The following ZNF267 variants were observed in gnomAD, a reference collection of about 807,000 sequenced individuals.
The protein encoded by ZNF267 is zinc finger (C2H2).
ZNF267 carries 61 observed loss-of-function variants against 71.6 expected under a neutral mutation model. That is an observed-to-expected ratio of 0.85 (90% CI 0.69 to 1.05). The LOEUF is 1.05. ZNF267 is among the 50% of genes least tolerant of loss of function. The pLI, the probability that ZNF267 is intolerant of heterozygous loss-of-function variation, is 0.00. For missense variants in ZNF267, 852 were observed against 870.0 expected (o/e 0.98, Z 0.26); for synonymous variants, 288 against 293.2 (o/e 0.98, Z 0.18).
At chr16:31,904,963 T>C (rs1343901643) in intron 3 of ZNF267, among the ~76,000 whole-genome samples, 5 of 152,174 alleles carry the variant, frequency 3.3e-5, no homozygotes, top group Admixed American at 6.6e-5. Flanking sequence ...CTTCAGGAGC[T>C]CTTGTAGGGC....
At chr16:31,885,380 A>C (rs2083917407) in intron 3 of ZNF267, 124 bp downstream of exon 3, 1 of 764,686 alleles carries the variant, frequency 1.3e-6, no homozygotes, top group Non-Finnish European at 2.0e-6. Flanking sequence ...ACCTGGCTTT[A>C]TTTCTTTCCC....
chr16:31,913,606 C>G (rs189733158), intron 3 of ZNF267: 1 of 152,270 alleles, frequency 6.6e-6, no homozygotes, highest in Non-Finnish European at 1.5e-5. Flanking sequence ...AAGTCAGAAG[C>G]CTTATTTATC....
At chr16:31,901,928 T>C (rs1307536377) in intron 3 of ZNF267, among the ~76,000 whole-genome samples, 3 of 152,180 alleles carry the variant, frequency 2.0e-5, no homozygotes, top group Non-Finnish European at 4.4e-5. Context: ...AAGTTTTAGG[T>C]CTAATATGTA....
At chr16:31,885,658 T>A (rs78483539) in intron 3 of ZNF267, among the ~76,000 whole-genome samples, 1 of 152,206 alleles carries the variant, frequency 6.6e-6, no homozygotes, top group East Asian at 1.9e-4. Context: ...GACAGTGGAA[T>A]TTTTTTCAGA....
chr16:31,892,368 G>T (rs2083966141), intron 3 of ZNF267, among the ~76,000 whole-genome samples: 4 of 152,062 alleles, frequency 2.6e-5, no homozygotes, highest in Admixed American at 2.6e-4. Flanking sequence ...CACAACACAT[G>T]GGAATTGAAG....
chr16:31,877,494 T>A (rs1374133905), intron 1 of ZNF267, among the ~76,000 whole-genome samples: 1 of 152,176 alleles, frequency 6.6e-6, no homozygotes, highest in Non-Finnish European at 1.5e-5. Context: ...AATGTTTCAC[T>A]CTGATGTCAG....
rs761265969 is a variant in ZNF267 at position 31,873,834 on chromosome 16, G to C, written c.-133G>C. ...TTAGAGCTCGGGTCTCCTCGCCACA[G>C]CTCCGAGTCTTTCGTTCTGGGAGGC... On this transcript the variant is annotated 5_prime_UTR_variant, in exon 1 of 4. Transcript: ENST00000300870. 1 of 1,296,140 alleles carries C rather than the reference G, an allele frequency of 7.7e-7. No homozygotes were observed. Among genetic ancestry groups the C allele is most frequent in the South Asian group, 1.2e-5 (1 of 82,516 alleles). 80.3% of individuals were successfully genotyped at this position (1,296,140 alleles called of 1,614,324 possible).
intron 3 of ZNF267, among the ~76,000 whole-genome samples, chr16:31,887,059 G>A (rs2083929027): frequency 6.6e-6 from 1 of 152,126 alleles, no homozygotes; most frequent in Admixed American, 6.6e-5. Flanking sequence ...TCTAACAAGT[G>A]TGAATATTTA....
chr16:31,875,482 G>A (rs1468072866), intron 1 of ZNF267, among the ~76,000 whole-genome samples: 1 of 152,112 alleles, frequency 6.6e-6, no homozygotes, highest in South Asian at 2.1e-4. Context: ...TGGTATTGAG[G>A]GGAAACAGTC....
Position 31,874,179 on chromosome 16 carries a change from C to T in ZNF267, c.3+210C>T, listed in dbSNP as rs546976218. On this transcript the variant is annotated intron_variant, in intron 1 of 3. Coordinates refer to ENST00000300870, the MANE Select transcript of ZNF267 (RefSeq NM_003414.6). ...GGACCCCGCGTGTCCTGTCCCATCC[C>T]GACCCCGCAGAGCGACCTCGTCCCT... The T allele has an allele frequency of 2.0e-5, 11 of 540,206 alleles. No individual in the cohort carries two copies. The East Asian group carries it at 3.6e-4, about 18-fold the overall frequency. The allele number at this position is 540,206 out of a possible 1,614,324, so 33.5% of individuals were successfully genotyped here. A position where few individuals can be genotyped will look rare whatever the true frequency, so the allele number is the denominator to read the frequency against.
At chr16:31,888,540 ATTTAC>A (rs1383004370) in intron 3 of ZNF267, among the ~76,000 whole-genome samples, 1 of 151,948 alleles carries the variant, frequency 6.6e-6, no homozygotes, top group Non-Finnish European at 1.5e-5. Context: ...ATGAAAATGT[ATTTAC>A]TTCTGTTATA....
At chr16:31,899,398 A>G (rs1196896433) in intron 3 of ZNF267, among the ~76,000 whole-genome samples, 1 of 152,262 alleles carries the variant, frequency 6.6e-6, no homozygotes, top group South Asian at 2.1e-4. Context: ...CTGCACAACT[A>G]CATGGAAACT....
intron 3 of ZNF267, among the ~76,000 whole-genome samples, chr16:31,899,834 G>C (rs2084025279): frequency 6.6e-6 from 1 of 152,054 alleles, no homozygotes; most frequent in African/African-American, 2.4e-5. Context: ...TATTATAAAT[G>C]ATATACTCAT....
At chr16:31,905,728 C>T (rs1433671778) in intron 3 of ZNF267, among the ~76,000 whole-genome samples, 2 of 152,026 alleles carry the variant, frequency 1.3e-5, no homozygotes, top group Non-Finnish European at 2.9e-5. Flanking sequence ...GCCATGGGTT[C>T]GAACTTCCTC....
At chr16:31,874,379 A>C (rs984867803) in intron 1 of ZNF267, 81 of 172,596 alleles carry the variant, frequency 4.7e-4, no homozygotes, top group African/African-American at 1.8e-3. Context: ...CACTGTTAAA[A>C]CGTTGAAGAA....
At chr16:31,906,417 G>A (rs1183811821) in intron 3 of ZNF267, among the ~76,000 whole-genome samples, 4 of 152,162 alleles carry the variant, frequency 2.6e-5, no homozygotes. Context: ...AGCTGTGGTG[G>A]GCTCCACCCA....
chr16:31,899,508 G>C (rs1038853987), intron 3 of ZNF267, among the ~76,000 whole-genome samples: 3 of 152,176 alleles, frequency 2.0e-5, no homozygotes, highest in Non-Finnish European at 4.4e-5. Flanking sequence ...CAACATACCA[G>C]AATCTCTGGG....
At chr16:31,898,684 T>C (rs1235691126) in intron 3 of ZNF267, among the ~76,000 whole-genome samples, 1 of 152,148 alleles carries the variant, frequency 6.6e-6, no homozygotes, top group Admixed American at 6.6e-5. Flanking sequence ...CTGATAACTT[T>C]AGTAGCATAC....
chr16:31,879,012 C>T (rs574707168), intron 1 of ZNF267, among the ~76,000 whole-genome samples: 35 of 152,128 alleles, frequency 2.3e-4, no homozygotes, highest in African/African-American at 8.4e-4. Flanking sequence ...GTTTTACAAC[C>T]TGTCTAAATC....
Sources: gnomAD v4.1 joint callset for allele counts (sites outside exome capture counted in the v4.1 genomes callset) on GRCh38, gnomAD v4.1.1 for gene constraint, MANE v1.5 for transcripts, NCBI Gene and HGNC (gene_info 2026-07-23, HGNC 2026-07-21) for gene names.